Variants in EMX1 observed in about 807,000 individuals in gnomAD.
EMX1 encodes empty spiracles homeobox 1.
Under a neutral mutation model 20.1 loss-of-function variants are expected in EMX1, and 10 were observed. The ratio of observed to expected loss-of-function variants is 0.50; its 90% CI spans 0.31 to 0.84. The LOEUF is 0.84. EMX1 is among the 40% of genes least tolerant of loss of function. EMX1 has a pLI of 0.05. For synonymous variants in EMX1, 250 were observed against 200.4 expected, an observed-to-expected ratio of 1.25 and a Z score of -2.09; for missense variants, 424 against 431.9, an observed-to-expected ratio of 0.98 and a Z score of 0.16.
intron 2 of EMX1, among the ~76,000 whole-genome samples, chr2:72,931,808 A>C (rs1671290097): frequency 6.6e-6 from 1 of 152,356 alleles, no homozygotes; most frequent in South Asian, 2.1e-4. Context: ...GCTGCTCTGC[A>C]GGCACTGAAT....
At position 72,917,965 on chromosome 2, in the gene EMX1, C is replaced by T. The variant is rs1473027508; in HGVS notation, c.113C>T (p.Ala38Val). 8 of 1,487,434 alleles carry T rather than the reference C, an allele frequency of 5.4e-6. No individual in the cohort carries two copies. The Admixed American group carries it at 1.6e-4, about 29-fold the overall frequency. 92.1% of individuals were successfully genotyped at this position (1,487,434 alleles called of 1,614,324 possible). A position where few individuals can be genotyped will look rare whatever the true frequency, so the allele number is the denominator to read the frequency against. The change falls in exon 1 of 3, where the codon GCG (alanine) becomes GTG (valine). Residue 38 changes from alanine to valine, a missense_variant. Ala to Val is a moderately conservative substitution (Grantham distance 64). Transcript: ENST00000258106. ...APAAATMFQP[A>V]AKRGFTIESL... ...GCGGCTGCGACCATGTTCCAGCCCGCGGCCAAGCGCGGCTTTACCATAGAG... is the reference window on the plus strand; with the variant it reads ...GCGGCTGCGACCATGTTCCAGCCCGTGGCCAAGCGCGGCTTTACCATAGAG...
At position 72,922,965 on chromosome 2, in the gene EMX1, T is replaced by G. The variant is rs571810468; in HGVS notation, c.521-1344T>G. The stretch of plus-strand genomic sequence containing the variant: ...AAAATAATCCATCTAGGGTTCCGTG[T>G]TTTTGGTGCATCAGGAGGCTGTTAT... On this transcript the variant is annotated intron_variant, in intron 1 of 2. Coordinates refer to ENST00000258106, the MANE Select transcript of EMX1 (RefSeq NM_004097.3). Among the ~76,000 whole-genome samples, 22 of 152,328 alleles carry G rather than the reference T, an allele frequency of 1.4e-4. 1 individual carries two copies. Among genetic ancestry groups the G allele is most frequent in the Middle Eastern group, 6.8e-3 (2 of 294 alleles).
chr2:72,919,247 A>G (rs1215452922), intron 1 of EMX1, among the ~76,000 whole-genome samples: 1 of 151,998 alleles, frequency 6.6e-6, no homozygotes. Flanking sequence ...TCCCGGAGAA[A>G]AGAGAGTTGC....
upstream of EMX1, chr2:72,916,641 A>G (rs1280543040): frequency 1.4e-6 from 1 of 703,508 alleles, no homozygotes; most frequent in South Asian, 1.5e-5. Context: ...GAGGGAGGTC[A>G]GGCTGCTTCT....
chr2:72,931,589 ACCCAGGGT>A (rs1273684501), intron 2 of EMX1, among the ~76,000 whole-genome samples: 2 of 152,112 alleles, frequency 1.3e-5, no homozygotes, highest in African/African-American at 4.8e-5. Context: ...GCTGAGAACC[ACCCAGGGT>A]CCAGGTGGCC....
Position 72,934,014 on chromosome 2 carries a change from G to C in EMX1, c.*60G>C. The C allele has an allele frequency of 1.3e-6, 2 of 1,598,594 alleles. No homozygotes were observed. The highest frequency in any genetic ancestry group is 1.7e-5 in the Admixed American group (1 of 58,942). ...TGCTTGCTGCTGGCCAGGCCCCTGC[G>C]TGGGCCCAAGCTGGACTCTGGCCAC... On this transcript the variant is annotated 3_prime_UTR_variant, in exon 3 of 3. Coordinates refer to ENST00000258106, the MANE Select transcript of EMX1 (RefSeq NM_004097.3).
chr2:72,926,487 G>C (rs1671201502), intron 2 of EMX1: 1 of 227,144 alleles, frequency 4.4e-6, no homozygotes, highest in Non-Finnish European at 7.3e-6. Context: ...GTTTGAGCCT[G>C]GGGAACCTGC....
At chr2:72,917,095 G>A (rs1559056012), upstream of EMX1, 4 of 623,504 alleles carry the variant, frequency 6.4e-6, no homozygotes, top group East Asian at 2.8e-5. Flanking sequence ...GAGCAGGGGG[G>A]CAGAGAGCTG....
intron 1 of EMX1, among the ~76,000 whole-genome samples, chr2:72,920,215 T>C (rs557670601): frequency 2.0e-5 from 3 of 152,298 alleles, no homozygotes; most frequent in East Asian, 1.9e-4. Context: ...CAGCTCCGGC[T>C]CTGAGCGTCT....
rs1046060882 is a variant in EMX1, at chr2:72,917,660, C to T, written c.-193C>T. ...GCCTTACTGGCAGCTCGCAGCCTAG[C>T]ACGGAGCCCGCGCCTGTGCGGGCGC... On this transcript the variant is annotated 5_prime_UTR_variant, in exon 1 of 3. Transcript: ENST00000258106. The T allele has an allele frequency of 6.3e-6, 2 of 316,480 alleles. No individual in the cohort carries two copies. The highest frequency in any genetic ancestry group is 1.0e-5 in the Non-Finnish European group (2 of 190,784). The allele number at this position is 316,480 out of a possible 1,614,324, so 19.6% of individuals were successfully genotyped here.
In EMX1 at chr2:72,918,032, C is replaced by A; in HGVS notation, c.180C>A (p.Gly60=). 7.0e-7 allele frequency: 1 copy of A among 1,419,846 alleles called. No homozygotes were observed. 88.0% of individuals were successfully genotyped at this position (1,419,846 alleles called of 1,614,324 possible). ...AKDGGTGGGT[G]GGGAGSHLLA... is the part of the protein sequence containing the mutation. ...ACGGCGGCACCGGCGGGGGCACTGG[C>A]GGCGGGGGCGCGGGCTCCCATCTCC... The change falls in exon 1 of 3, where the codon GGC becomes GGA. Residue 60 remains glycine (G), a synonymous_variant. Coordinates refer to ENST00000258106, the MANE Select transcript of EMX1 (RefSeq NM_004097.3).
At chr2:72,933,433 T>C (rs1168022307) in intron 2 of EMX1, 2 of 252,816 alleles carry the variant, frequency 7.9e-6, no homozygotes, top group Non-Finnish European at 7.6e-6. Flanking sequence ...TAGAAACTCG[T>C]AGAGTCCCAT....
Position 72,924,379 on chromosome 2 carries a change from G to A in EMX1, c.591G>A (p.Thr197=), listed in dbSNP as rs867898866. 1 of 1,593,442 alleles carries A rather than the reference G, an allele frequency of 6.3e-7. No homozygotes were observed. The highest frequency in any genetic ancestry group is 1.7e-5 in the Admixed American group (1 of 57,894). Reference sequence around the variant, plus strand: ...CACGCAAGCCCAAGCGGATCCGCACGGCCTTCTCGCCCTCGCAGCTGCTGC... The same window carrying A: ...CACGCAAGCCCAAGCGGATCCGCACAGCCTTCTCGCCCTCGCAGCTGCTGC... ...PFARKPKRIR[T]AFSPSQLLRL... The change falls in exon 2 of 3, where the codon ACG becomes ACA. Residue 197 remains threonine (T), a synonymous_variant. Transcript: ENST00000258106.
chr2:72,918,404 C>G, intron 1 of EMX1, 32 bp downstream of exon 1: 2 of 1,359,674 alleles, frequency 1.5e-6, no homozygotes, highest in Non-Finnish European at 1.9e-6. Context: ...GCCGAGGCGG[C>G]CGGCCGGCGC....
At chr2:72,928,945 T>C (rs986754869) in intron 2 of EMX1, among the ~76,000 whole-genome samples, 2 of 152,074 alleles carry the variant, frequency 1.3e-5, no homozygotes, top group African/African-American at 4.8e-5. Flanking sequence ...AGAGCCACCA[T>C]CTTGGAGCCC....
chr2:72,916,355 C>T (rs1056227800), upstream of EMX1: 10 of 365,620 alleles, frequency 2.7e-5, no homozygotes, highest in African/African-American at 2.1e-4. Context: ...TAGAATGGAC[C>T]CCGGCAGCGG....
intron 1 of EMX1, among the ~76,000 whole-genome samples, chr2:72,923,189 C>A (rs1358217589): frequency 6.6e-6 from 1 of 152,136 alleles, no homozygotes; most frequent in African/African-American, 2.4e-5. Flanking sequence ...CCAGTGTTAT[C>A]CCTTCCTCCT....
In EMX1 at chr2:72,918,160, CCGCCGCGGG is replaced by C. The variant is rs768811817; in HGVS notation, c.312_320del (p.Ala105_Ala107del). 5.3e-6 allele frequency: 8 copies of C among 1,504,172 alleles called. No homozygotes were observed. The highest frequency in any genetic ancestry group is 2.3e-5 in the Admixed American group (1 of 44,320). The allele number at this position is 1,504,172 out of a possible 1,614,324, so 93.2% of individuals were successfully genotyped here. On this transcript the variant is annotated inframe_deletion, in exon 1 of 3. Coordinates refer to ENST00000258106, the MANE Select transcript of EMX1 (RefSeq NM_004097.3). Reference sequence around the variant, plus strand: ...TTCGTGAGTGGCTTCCCTGCCGCGGCCGCCGCGGGCGCGGGCCGCTCGCTCTACGGTGGG... The same window carrying C: ...TTCGTGAGTGGCTTCCCTGCCGCGGCCGCGGGCCGCTCGCTCTACGGTGGG...
intron 2 of EMX1, chr2:72,925,377 A>G: frequency 9.7e-6 from 12 of 1,232,114 alleles, no homozygotes; most frequent in Non-Finnish European, 1.3e-5. Flanking sequence ...GTTCATTGTA[A>G]GTAGACTTTG....
Sources: allele counts gnomAD v4.1 joint callset (sites outside exome capture counted in the v4.1 genomes callset), GRCh38; gene constraint gnomAD v4.1.1; transcripts MANE v1.5; gene names NCBI Gene and HGNC (gene_info 2026-07-23, HGNC 2026-07-21).